KLHDC1: variants seen among roughly 807,000 people sequenced by gnomAD.
The protein encoded by KLHDC1 is kelch domain-containing protein 1.
KLHDC1 carries 53 observed loss-of-function variants against 68.3 expected under a neutral mutation model. The observed-to-expected ratio is 0.78, with a 90% confidence interval of 0.62 to 0.98. The LOEUF is 0.98. KLHDC1 is among the 50% of genes least tolerant of loss of function. The pLI, the probability that KLHDC1 is intolerant of heterozygous loss-of-function variation, is 0.00. For missense variants in KLHDC1, 470 were observed against 492.3 expected (o/e 0.95, Z 0.43); for synonymous variants, 148 against 159.0 (o/e 0.93, Z 0.52).
At chr14:49,736,607 G>T (rs909065192) in intron 10 of KLHDC1, among the ~76,000 whole-genome samples, 1 of 152,098 alleles carries the variant, frequency 6.6e-6, no homozygotes, top group African/African-American at 2.4e-5. Context: ...TAAGCATTTT[G>T]TACAAATTTT....
Position 49,693,148 on chromosome 14 carries a change from C to G in KLHDC1, c.-47C>G, listed in dbSNP as rs751322113. On this transcript the variant is annotated 5_prime_UTR_variant, in exon 1 of 13. Transcript: ENST00000359332. ...CGGGGCTGGAGGCGAGGCCGCCGGG[C>G]GGGCAGGGGTTGTGGCGCGGCAAGC... 3 of 1,508,890 alleles carry G rather than the reference C, an allele frequency of 2.0e-6. No individual in the cohort carries two copies. The highest frequency in any genetic ancestry group is 2.7e-6 in the Non-Finnish European group (3 of 1,115,000). The allele number at this position is 1,508,890 out of a possible 1,614,324, so 93.5% of individuals were successfully genotyped here.
chr14:49,732,546 A>G (rs1250716250), intron 8 of KLHDC1, among the ~76,000 whole-genome samples, 158 bp from the exon 9 acceptor site: 1 of 152,190 alleles, frequency 6.6e-6, no homozygotes, highest in East Asian at 1.9e-4. Flanking sequence ...AAATTCATCT[A>G]AGAATTTAAT....
rs147696967 is a variant in KLHDC1, at chr14:49,710,603, A to T, written c.404+222A>T. On this transcript the variant is annotated intron_variant, in intron 4 of 12. Coordinates refer to ENST00000359332, the MANE Select transcript of KLHDC1 (RefSeq NM_172193.3). ...AGGACCTTGAGTAAATCCAGTGCTTATATTTATACTTTCATATATTACTCA... is the reference window on the plus strand; with the variant it reads ...AGGACCTTGAGTAAATCCAGTGCTTTTATTTATACTTTCATATATTACTCA... Among the ~76,000 whole-genome samples the T allele has an allele frequency of 5.2e-3, 786 of 152,238 alleles. 6 individuals are homozygous for T. The highest frequency in any genetic ancestry group is 0.018 in the African/African-American group (750 of 41,526).
At chr14:49,720,938 A>G (rs1888509537) in intron 4 of KLHDC1, among the ~76,000 whole-genome samples, 1 of 151,988 alleles carries the variant, frequency 6.6e-6, no homozygotes, top group Admixed American at 6.6e-5. Flanking sequence ...TAGTTCTGAC[A>G]TATTATTTTC....
At chr14:49,705,361 C>CTTTTTTTTTTTTTT (rs1334189965) in intron 1 of KLHDC1, among the ~76,000 whole-genome samples, 1 of 35,310 alleles carries the variant, frequency 2.8e-5, no homozygotes, top group African/African-American at 7.4e-5. Context: ...ATATTTCTTT[C>CTTTTTTTTTTTTTT]TTTCTTTTTT....
At chr14:49,745,366 C>T (rs150345614) in intron 12 of KLHDC1, among the ~76,000 whole-genome samples, 1 of 152,272 alleles carries the variant, frequency 6.6e-6, no homozygotes, top group East Asian at 1.9e-4. Context: ...CAGGGTGTGG[C>T]CTGCACTTTG....
intron 1 of KLHDC1, among the ~76,000 whole-genome samples, chr14:49,702,182 A>G (rs1173012726): frequency 6.6e-6 from 1 of 152,034 alleles, no homozygotes; most frequent in African/African-American, 2.4e-5. Context: ...AAAAAAAAAA[A>G]AAAAAGATAA....
chr14:49,721,852 C>G (rs893264377), intron 4 of KLHDC1, among the ~76,000 whole-genome samples: 2 of 152,160 alleles, frequency 1.3e-5, no homozygotes, highest in Non-Finnish European at 2.9e-5. Context: ...TTTCTGCACC[C>G]TGGAAGACCT....
intron 4 of KLHDC1, among the ~76,000 whole-genome samples, chr14:49,717,708 T>C (rs1225540251): frequency 1.3e-5 from 2 of 152,118 alleles, no homozygotes; most frequent in African/African-American, 2.4e-5. Flanking sequence ...CTCCTCACTT[T>C]TTTTTTTGGA....
At chr14:49,727,503 C>G (rs1438768922) in intron 6 of KLHDC1, among the ~76,000 whole-genome samples, 1 of 152,094 alleles carries the variant, frequency 6.6e-6, no homozygotes, top group Non-Finnish European at 1.5e-5. Flanking sequence ...TCCTTACAGT[C>G]CAACTTCTGT....
At chr14:49,731,626 G>A (rs1335763084) in intron 8 of KLHDC1, among the ~76,000 whole-genome samples, 1 of 151,820 alleles carries the variant, frequency 6.6e-6, no homozygotes, top group Non-Finnish European at 1.5e-5. Context: ...CATGCTACCA[G>A]GCCCAGCTAT....
In KLHDC1 at chr14:49,751,622, G is replaced by T; in HGVS notation, c.1071G>T (p.Met357Ile). The change falls in exon 13 of 13, where the codon ATG becomes ATT. Residue 357 changes from methionine to isoleucine, a missense_variant. Transcript: ENST00000359332. The part of the protein sequence containing the change: ...CLDCIGKNSI[M>I]LESQISLLPP... ...ACTGCATTGGTAAAAATTCTATCAT[G>T]TTAGAAAGTCAGATATCTTTATTAC... 1 of 1,584,678 alleles carries T rather than the reference G, an allele frequency of 6.3e-7. No homozygotes were observed. Among genetic ancestry groups the T allele is most frequent in the Admixed American group, 1.8e-5 (1 of 56,600 alleles).
chr14:49,743,619 G>T (rs796390294), intron 11 of KLHDC1, 134 bp from the exon 12 acceptor site: 40 of 582,722 alleles, frequency 6.9e-5, no homozygotes, highest in African/African-American at 6.6e-4. Flanking sequence ...TTATGTGTGT[G>T]TGTCAACAGC....
chr14:49,709,574 A>G (rs1317445674), intron 2 of KLHDC1, 135 bp from the exon 3 acceptor site: 4 of 477,038 alleles, frequency 8.4e-6, no homozygotes, highest in South Asian at 4.9e-5. Context: ...GAGTTTTTAC[A>G]TTATTGGCCA....
chr14:49,748,690 T>C (rs1265178256), intron 12 of KLHDC1, among the ~76,000 whole-genome samples: 2 of 151,898 alleles, frequency 1.3e-5, no homozygotes, highest in African/African-American at 4.8e-5. Context: ...AAGTATATAG[T>C]AAAAAAATCA....
At chr14:49,705,955 G>A (rs151263436) in intron 1 of KLHDC1, among the ~76,000 whole-genome samples, 317 of 152,210 alleles carry the variant, frequency 2.1e-3, no homozygotes, top group Non-Finnish European at 3.3e-3. Context: ...ATAAAATGGG[G>A]TATCTGTTCC....
At chr14:49,695,327 T>C (rs1177584673) in intron 1 of KLHDC1, among the ~76,000 whole-genome samples, 1 of 152,238 alleles carries the variant, frequency 6.6e-6, no homozygotes, top group East Asian at 1.9e-4. Context: ...ATAATAAGAC[T>C]TGAAAGTCAA....
chr14:49,728,295 C>T (rs890702387), intron 6 of KLHDC1, among the ~76,000 whole-genome samples: 3 of 152,200 alleles, frequency 2.0e-5, no homozygotes, highest in African/African-American at 7.2e-5. Context: ...TGCACTCAAG[C>T]CTTGGCAACA....
chr14:49,721,917 T>G (rs1888535587), intron 4 of KLHDC1, among the ~76,000 whole-genome samples: 2 of 152,062 alleles, frequency 1.3e-5, no homozygotes, highest in South Asian at 4.1e-4. Context: ...CTCTATAGGG[T>G]GTAAATATTT....
Sources: allele counts gnomAD v4.1 joint callset (sites outside exome capture counted in the v4.1 genomes callset), GRCh38; gene constraint gnomAD v4.1.1; transcripts MANE v1.5; gene names NCBI Gene and HGNC (gene_info 2026-07-23, HGNC 2026-07-21).